ZZEF1: variants seen among roughly 807,000 people sequenced by gnomAD.
ZZEF1 encodes the protein zinc finger ZZ-type and EF-hand domain containing 1, also known as zinc finger ZZ-type and EF-hand domain-containing protein 1.
ZZEF1 carries 157 observed loss-of-function variants against 342.8 expected under a neutral mutation model. That is an observed-to-expected ratio of 0.46 (90% CI 0.40 to 0.52). The LOEUF (loss-of-function observed/expected upper bound fraction) is 0.52. Ranked by LOEUF, ZZEF1 falls within the 20% of genes least tolerant of loss-of-function variation. The pLI, the probability that ZZEF1 is intolerant of heterozygous loss-of-function variation, is 0.00. For missense variants in ZZEF1, 3,480 were observed against 3,725.6 expected, an observed-to-expected ratio of 0.93 and a Z score of 1.72; for synonymous variants, 1,505 against 1,429.1, an observed-to-expected ratio of 1.05 and a Z score of -1.20.
intron 51 of ZZEF1, among the ~76,000 whole-genome samples, 198 bp downstream of exon 51, chr17:4,013,892 C>A (rs1477372782): frequency 6.6e-6 from 1 of 152,158 alleles, no homozygotes; most frequent in African/African-American, 2.4e-5. Context: ...CTTCTCATAG[C>A]TGGCCATTCA....
chr17:4,073,153 A>G (rs902931989), intron 24 of ZZEF1, among the ~76,000 whole-genome samples: 2 of 152,274 alleles, frequency 1.3e-5, no homozygotes, highest in African/African-American at 4.8e-5. Flanking sequence ...AGATGTGTTT[A>G]GAATAGGCAA....
chr17:4,135,105 T>A (rs905711512), intron 1 of ZZEF1, among the ~76,000 whole-genome samples: 1 of 152,150 alleles, frequency 6.6e-6, no homozygotes, highest in Non-Finnish European at 1.5e-5. Context: ...CACTGGAGAC[T>A]ATTAAGGGTG....
At chr17:4,109,152 C>G (rs930046383) in intron 6 of ZZEF1, among the ~76,000 whole-genome samples, 3 of 152,202 alleles carry the variant, frequency 2.0e-5, no homozygotes, top group Admixed American at 6.5e-5. Context: ...GAGCCCTCAA[C>G]TGATCCATTA....
At chr17:4,073,514 C>T (rs907126099) in intron 24 of ZZEF1, among the ~76,000 whole-genome samples, 1 of 152,202 alleles carries the variant, frequency 6.6e-6, no homozygotes, top group Non-Finnish European at 1.5e-5. Flanking sequence ...TCACTGCATG[C>T]AGCCTCTAAC....
Position 4,142,943 on chromosome 17 carries a change from C to A in ZZEF1, c.-48G>T. ...GGCTCTGCAGCCGCCGCCGCCGCCT[C>A]CCCGCCTCGACCTGTCAACCTCCGA... On this transcript the variant is annotated 5_prime_UTR_variant, in exon 1 of 55. Coordinates refer to ENST00000381638, the MANE Select transcript of ZZEF1 (RefSeq NM_015113.4). The A allele has an allele frequency of 1.5e-6, 2 of 1,302,750 alleles. No homozygotes were observed. The highest frequency in any genetic ancestry group is 2.7e-4 in the Middle Eastern group (1 of 3,722). 80.7% of individuals were successfully genotyped at this position (1,302,750 alleles called of 1,614,324 possible). A position where few individuals can be genotyped will look rare whatever the true frequency, so the allele number is the denominator to read the frequency against.
chr17:4,096,944 C>A (rs139307034), intron 9 of ZZEF1, among the ~76,000 whole-genome samples: 1 of 152,178 alleles, frequency 6.6e-6, no homozygotes, highest in Non-Finnish European at 1.5e-5. Context: ...CACAGGCAGC[C>A]CTGCTCTGAG....
At chr17:4,097,539 C>T (rs2058058525) in intron 9 of ZZEF1, among the ~76,000 whole-genome samples, 2 of 150,202 alleles carry the variant, frequency 1.3e-5, no homozygotes, top group South Asian at 2.1e-4. Flanking sequence ...CCCTTTCGGT[C>T]GTCTCTGCCT....
intron 9 of ZZEF1, among the ~76,000 whole-genome samples, chr17:4,100,828 T>C (rs1282444318): frequency 6.6e-6 from 1 of 152,040 alleles, no homozygotes; most frequent in Non-Finnish European, 1.5e-5. Flanking sequence ...GAGTGAGACT[T>C]CGTCTCAAAA....
At chr17:4,115,456 A>C (rs2058379479) in intron 3 of ZZEF1, among the ~76,000 whole-genome samples, 1 of 152,202 alleles carries the variant, frequency 6.6e-6, no homozygotes, top group Non-Finnish European at 1.5e-5. Flanking sequence ...TGAGGTCAGG[A>C]GGTCGAGACC....
chr17:4,082,669 A>G (rs1260556097), intron 16 of ZZEF1, among the ~76,000 whole-genome samples, 165 bp from the exon 17 acceptor site: 1 of 152,164 alleles, frequency 6.6e-6, no homozygotes, highest in Non-Finnish European at 1.5e-5. Context: ...AAGTACTAAG[A>G]TGGAGCAGAA....
chr17:4,095,798 T>A, intron 11 of ZZEF1, 33 bp downstream of exon 11: 1 of 1,582,336 alleles, frequency 6.3e-7, no homozygotes, highest in Non-Finnish European at 8.6e-7. Flanking sequence ...GTTCTGTAGA[T>A]CTTTGTTCTA....
At chr17:4,050,639 A>T in intron 36 of ZZEF1, 142 bp downstream of exon 36, 1 of 1,168,504 alleles carries the variant, frequency 8.6e-7, no homozygotes, top group Non-Finnish European at 1.2e-6. Context: ...CTTAAAAATT[A>T]AGTTCCACAC....
intron 28 of ZZEF1, among the ~76,000 whole-genome samples, chr17:4,065,270 G>A (rs1389208758): frequency 2.0e-5 from 3 of 151,886 alleles, no homozygotes; most frequent in East Asian, 3.9e-4. Context: ...GGTGGCACAC[G>A]CCTATAATCT....
chr17:4,134,509 T>C (rs2058717857), intron 1 of ZZEF1, among the ~76,000 whole-genome samples: 1 of 151,744 alleles, frequency 6.6e-6, no homozygotes, highest in Non-Finnish European at 1.5e-5. Context: ...AGCAATGTAA[T>C]AGGTGTGACA....
chr17:4,054,994 G>A (rs1400568779), intron 33 of ZZEF1, among the ~76,000 whole-genome samples: 1 of 152,180 alleles, frequency 6.6e-6, no homozygotes, highest in African/African-American at 2.4e-5. Context: ...GCTTGGGTAC[G>A]TGGTTGGACG....
rs748329449 is a variant in ZZEF1, at chr17:4,142,684, G to C, written c.212C>G (p.Ser71Trp). 4.4e-6 allele frequency: 7 copies of C among 1,606,392 alleles called. No homozygotes were observed. The highest frequency in any genetic ancestry group is 1.3e-5 in the African/African-American group (1 of 74,890). Reference protein sequence around the residue: ...AALLPTPPCESLVSRHRGALF... With the variant: ...AALLPTPPCEWLVSRHRGALF... ...CGCGCCGCGATGCCTCGACACCAGC[G>C]ACTCGCAGGGGGGTGTGGGCAGCAA... Residue 71 changes from serine to tryptophan, a missense_variant, in exon 1 of 55, where the codon TCG (serine) becomes TGG (tryptophan). Physicochemically the swap from Ser to Trp is radical, Grantham distance 177 (BLOSUM62 -3). This residue lies in a region of ZZEF1 where 416 missense variants were observed against 374.2 expected (regional missense o/e 1.11). Coordinates refer to ENST00000381638, the MANE Select transcript of ZZEF1 (RefSeq NM_015113.4).
At chr17:4,088,154 G>A (rs1054430082) in intron 13 of ZZEF1, among the ~76,000 whole-genome samples, 1 of 152,140 alleles carries the variant, frequency 6.6e-6, no homozygotes, top group Admixed American at 6.5e-5. Context: ...CTGAACTCCC[G>A]AGGCTATGGT....
At chr17:4,139,815 A>C (rs1466244721) in intron 1 of ZZEF1, among the ~76,000 whole-genome samples, 1 of 152,180 alleles carries the variant, frequency 6.6e-6, no homozygotes, top group Non-Finnish European at 1.5e-5. Flanking sequence ...ATATAACTCA[A>C]TGTTTTCTCT....
chr17:4,042,609 C>G, intron 38 of ZZEF1, 41 bp from the exon 39 acceptor site: 10 of 1,600,628 alleles, frequency 6.2e-6, no homozygotes, highest in Non-Finnish European at 8.5e-6. Context: ...CCTGCATCTC[C>G]ACATGTATGA....
Sources: allele counts gnomAD v4.1 joint callset (sites outside exome capture counted in the v4.1 genomes callset), GRCh38; gene constraint gnomAD v4.1.1; regional missense constraint gnomAD v4.1.1; transcripts MANE v1.5; gene names NCBI Gene and HGNC (gene_info 2026-07-23, HGNC 2026-07-21).